The following SH3TC2 variants were observed in gnomAD, a reference collection of about 807,000 sequenced individuals.
The protein encoded by SH3TC2 is SH3 domain and tetratricopeptide repeats 2, also known as SH3 domain and tetratricopeptide repeat-containing protein 2.
A neutral mutation model predicts 124.5 loss-of-function variants in SH3TC2; 87 were observed. That is an observed-to-expected ratio of 0.70 (90% CI 0.59 to 0.84). SH3TC2 has a LOEUF of 0.84. SH3TC2 is among the 40% of genes least tolerant of loss of function. The probability of loss-of-function intolerance (pLI) is 0.00; values close to 1 mark genes in which losing one functional copy is unlikely to be tolerated. For synonymous variants in SH3TC2, 634 were observed against 628.5 expected (o/e 1.01, Z -0.13); for missense variants, 1,536 against 1,566.4 (o/e 0.98, Z 0.33).
chr5:149,021,867 T>A (rs1753976124), intron 12 of SH3TC2, among the ~76,000 whole-genome samples: 1 of 144,662 alleles, frequency 6.9e-6, no homozygotes, highest in African/African-American at 2.5e-5. Context: ...TTAACACCAA[T>A]CCTTCACAAA....
intron 8 of SH3TC2, among the ~76,000 whole-genome samples, chr5:149,034,004 A>G (rs76366820): frequency 0.012 from 1,753 of 152,330 alleles, 36 homozygotes; most frequent in African/African-American, 0.04. Flanking sequence ...TCACAACGAG[A>G]GCCAGCAGAT....
At chr5:149,054,820 G>C (rs1754614855) in intron 1 of SH3TC2, among the ~76,000 whole-genome samples, 2 of 152,180 alleles carry the variant, frequency 1.3e-5, no homozygotes, top group African/African-American at 4.8e-5. Flanking sequence ...AAGTTTGTGA[G>C]TGTATCCCTG....
rs1293901875 is a variant in SH3TC2, at chr5:148,990,867, T to TTTAC, written c.*13843_*13844insGTAA. ...CTAAGTACATTATCTCTTTTAATTT[T>TTTAC]CACAGCAATTCTATAAGGCAAGTTC... On this transcript the variant is annotated 3_prime_UTR_variant, in exon 17 of 17. Coordinates refer to ENST00000515425, the MANE Select transcript of SH3TC2 (RefSeq NM_024577.4). Among the ~76,000 whole-genome samples the TTTAC allele has an allele frequency of 6.6e-6, 1 of 152,174 alleles. No individual in the cohort carries two copies. Among genetic ancestry groups the TTTAC allele is most frequent in the Non-Finnish European group, 1.5e-5 (1 of 68,026 alleles).
At position 148,996,468 on chromosome 5, in the gene SH3TC2, CT is replaced by C. The variant is rs1561752891; in HGVS notation, c.*8242del. The stretch of plus-strand genomic sequence containing the variant: ...CCCTCCACCCACTACAGCCCCAAAG[CT>C]ACATGTTCTAGAACAGACAAAAGTT... On this transcript the variant is annotated 3_prime_UTR_variant, in exon 17 of 17. Coordinates refer to ENST00000515425, the MANE Select transcript of SH3TC2 (RefSeq NM_024577.4). Among the ~76,000 whole-genome samples, 1 of 152,188 alleles carries C rather than the reference CT, an allele frequency of 6.6e-6. No homozygotes were observed. Among genetic ancestry groups the C allele is most frequent in the Non-Finnish European group, 1.5e-5 (1 of 68,028 alleles).
At chr5:149,033,720 T>C (rs1754237005) in intron 8 of SH3TC2, among the ~76,000 whole-genome samples, 1 of 152,206 alleles carries the variant, frequency 6.6e-6, no homozygotes, top group Admixed American at 6.5e-5. Flanking sequence ...TTTTCATCTA[T>C]TTGAGTCCCT....
chr5:149,016,447 G>C (rs1561760205), intron 12 of SH3TC2, among the ~76,000 whole-genome samples: 1 of 152,114 alleles, frequency 6.6e-6, no homozygotes, highest in African/African-American at 2.4e-5. Context: ...TGTGAAACTG[G>C]GGTGGTAGTG....
intron 7 of SH3TC2, among the ~76,000 whole-genome samples, chr5:149,039,334 A>C (rs546463438): frequency 6.6e-6 from 1 of 152,178 alleles, no homozygotes; most frequent in Non-Finnish European, 1.5e-5. Flanking sequence ...GAGAGAGGGT[A>C]TGAGATTTGT....
Position 148,983,606 on chromosome 5 carries a change from A to T in SH3TC2, c.*21105T>A, listed in dbSNP as rs1378868726. On this transcript the variant is annotated 3_prime_UTR_variant, in exon 17 of 17. Coordinates refer to ENST00000515425, the MANE Select transcript of SH3TC2 (RefSeq NM_024577.4). ...AAGTGCACATTCCCCTTCCAGTAAC[A>T]GCAATCTAGCTTCCTATTTTGGGGT... is the stretch of plus-strand genomic sequence containing the variant. 2.6e-5 allele frequency among the ~76,000 whole-genome samples: 4 copies of T among 152,162 alleles called. No individual in the cohort carries two copies. In the East Asian group the frequency reaches 7.7e-4, roughly 29 times the overall value.
At chr5:149,023,759 A>G (rs1754017807) in intron 12 of SH3TC2, among the ~76,000 whole-genome samples, 1 of 151,782 alleles carries the variant, frequency 6.6e-6, no homozygotes, top group African/African-American at 2.4e-5. Flanking sequence ...ACTTTTTTGT[A>G]TCTTTGGTAG....
In SH3TC2 at chr5:149,027,460, C is replaced by A; in HGVS notation, c.2272G>T (p.Ala758Ser). ...ACTTTGGAAAGGATGAGACACAGGG[C>A]CCTCTGGGTGCTCCGGTCTGCTAGT... ...EELADRSTQR[A>S]LCLILSKVYL... Residue 758 changes from alanine to serine, a missense_variant, in exon 11 of 17, where the codon GCC (alanine) becomes TCC (serine). This residue lies in a region of SH3TC2 where 1,102 missense variants were observed against 1,098.6 expected (regional missense o/e 1.00). Transcript: ENST00000515425. The A allele has an allele frequency of 2.5e-6, 4 of 1,614,182 alleles. No homozygotes were observed. The highest frequency in any genetic ancestry group is 3.4e-6 in the Non-Finnish European group (4 of 1,180,046).
intron 14 of SH3TC2, among the ~76,000 whole-genome samples, chr5:149,009,904 A>C (rs1327957630): frequency 1.3e-5 from 2 of 152,196 alleles, no homozygotes; most frequent in African/African-American, 4.8e-5. Flanking sequence ...TAACCCTTTA[A>C]ATAATCTCCC....
chr5:149,025,637 C>T (rs1037126610), intron 12 of SH3TC2: 1 of 152,226 alleles, frequency 6.6e-6, no homozygotes, highest in Non-Finnish European at 1.5e-5. Flanking sequence ...CAGAACAGAA[C>T]TTCAGTCTGC....
Position 149,062,991 on chromosome 5 carries a change from C to T in SH3TC2, c.32G>A (p.Arg11Gln), listed in dbSNP as rs558800325. Residue 11 changes from arginine (R) to glutamine (Q), a missense_variant, in exon 1 of 17, where the codon CGG becomes CAG. Coordinates refer to ENST00000515425, the MANE Select transcript of SH3TC2 (RefSeq NM_024577.4). MGGCFCIPRE[R>Q]SLTRGPGKET... is the part of the protein sequence containing the mutation. ...CTCACCTGGGCCCCGGGTCAGACTC[C>T]GCTCCCTGGGGATGCAGAAGCAGCC... The T allele has an allele frequency of 4.3e-5, 69 of 1,598,924 alleles. No homozygotes were observed. The highest frequency in any genetic ancestry group is 1.5e-4 in the South Asian group (13 of 88,086).
At position 149,028,568 on chromosome 5, in the gene SH3TC2, C is replaced by A. The variant is rs1232373385; in HGVS notation, c.1178-14G>T. On this transcript the variant is annotated splice_polypyrimidine_tract_variant and intron_variant, in intron 10 of 16. Coordinates refer to ENST00000515425, the MANE Select transcript of SH3TC2 (RefSeq NM_024577.4). ...CAGGCTGGGATGCTGTAAGGACAGG[C>A]AAAGTTGAGCAACCTTGGGCACCTG... is the stretch of plus-strand genomic sequence containing the variant. 6.2e-7 allele frequency: 1 copy of A among 1,614,154 alleles called. No homozygotes were observed. Among genetic ancestry groups the A allele is most frequent in the Non-Finnish European group, 8.5e-7 (1 of 1,180,026 alleles).
rs1343289981 is a variant in SH3TC2, at chr5:149,001,077, C to G, written c.*3634G>C. Among the ~76,000 whole-genome samples the G allele has an allele frequency of 1.3e-5, 2 of 152,094 alleles. No homozygotes were observed. Among genetic ancestry groups the G allele is most frequent in the African/African-American group, 4.8e-5 (2 of 41,438 alleles). ...AGTGATAGGCTTCCTGATCCCTCAT[C>G]CTAACACCCTCCATTCCTGCATATT... On this transcript the variant is annotated 3_prime_UTR_variant, in exon 17 of 17. Transcript: ENST00000515425.
intron 7 of SH3TC2, among the ~76,000 whole-genome samples, chr5:149,039,034 G>C (rs1754327998): frequency 6.6e-6 from 1 of 152,188 alleles, no homozygotes; most frequent in Admixed American, 6.5e-5. Context: ...GAATCAAAGA[G>C]ATACAGTGCA....
chr5:148,984,163 T>A lies in SH3TC2; in HGVS notation c.*20548A>T, dbSNP rs1424801334. Among the ~76,000 whole-genome samples the A allele has an allele frequency of 6.6e-6, 1 of 152,158 alleles. No homozygotes were observed. The highest frequency in any genetic ancestry group is 2.4e-5 in the African/African-American group (1 of 41,440). On this transcript the variant is annotated 3_prime_UTR_variant, in exon 17 of 17. Transcript: ENST00000515425. Reference sequence around the variant, plus strand: ...TCTCTCTTCTCTTTCTGAAATTGCATTATGTAAATATTAGTTCTCTTGATG... The same window carrying A: ...TCTCTCTTCTCTTTCTGAAATTGCAATATGTAAATATTAGTTCTCTTGATG...
rs190035149 is a variant in SH3TC2 at position 149,046,553 on chromosome 5, T to C, written c.279+1309A>G. The C allele has an allele frequency of 7.9e-5, 12 of 152,356 alleles. No homozygotes were observed. In the East Asian group the frequency reaches 2.3e-3, roughly 29 times the overall value. The allele number at this position is 152,356 out of a possible 1,614,324, so 9.4% of individuals were successfully genotyped here. On this transcript the variant is annotated intron_variant, in intron 3 of 16. Transcript: ENST00000515425. ...CTAATGAAAAATGGCATTATCCCTG[T>C]TGCATATTCAAGGGGGCCAAGGCAC...
At chr5:149,012,849 G>C in intron 12 of SH3TC2, 115 bp from the exon 13 acceptor site, 1 of 1,221,916 alleles carries the variant, frequency 8.2e-7, no homozygotes, top group Non-Finnish European at 1.2e-6. Flanking sequence ...ACATCACACA[G>C]GGAGGTGGGC....
Sources: allele counts gnomAD v4.1 joint callset (sites outside exome capture counted in the v4.1 genomes callset), GRCh38; gene constraint gnomAD v4.1.1; regional missense constraint gnomAD v4.1.1; transcripts MANE v1.5; gene names NCBI Gene and HGNC (gene_info 2026-07-23, HGNC 2026-07-21).